The following MED13L variants were observed in gnomAD, a reference collection of about 807,000 sequenced individuals.
MED13L encodes the protein mediator complex subunit 13L.
A neutral mutation model predicts 220.9 loss-of-function variants in MED13L; 7 were observed. That is an observed-to-expected ratio of 0.03 (90% confidence interval 0.02 to 0.06). The LOEUF is 0.06. MED13L is among the 10% of genes least tolerant of loss of function. The probability of loss-of-function intolerance (pLI) is 1.00; values close to 1 mark genes in which losing one functional copy is unlikely to be tolerated. For missense variants in MED13L, 1,965 were observed against 2,760.5 expected (o/e 0.71, Z 6.46); for synonymous variants, 1,011 against 1,015.2 (o/e 1.00, Z 0.08).
At chr12:116,226,059 CTTTTTT>C (rs35656992) in intron 2 of MED13L, among the ~76,000 whole-genome samples, 3 of 137,956 alleles carry the variant, frequency 2.2e-5, no homozygotes, top group Admixed American at 1.5e-4. Context: ...TAATTTTTAT[CTTTTTT>C]TTTTTTTTTT....
chr12:116,023,392 C>T (rs1880179788), intron 4 of MED13L, among the ~76,000 whole-genome samples: 1 of 152,146 alleles, frequency 6.6e-6, no homozygotes, highest in Non-Finnish European at 1.5e-5. Flanking sequence ...AACACATCTC[C>T]ATTTCTCAAA....
chr12:116,015,295 G>A, intron 7 of MED13L, 21 bp from the exon 8 acceptor site: 1 of 1,613,330 alleles, frequency 6.2e-7, no homozygotes. Context: ...AGGCAATTTG[G>A]AATGTTAGGA....
intron 1 of MED13L, among the ~76,000 whole-genome samples, chr12:116,269,466 C>CAAAAAA (rs34100053): frequency 1.8e-3 from 122 of 69,020 alleles, no homozygotes; most frequent in Non-Finnish European, 2.2e-3. Flanking sequence ...TTAAACTATG[C>CAAAAAA]AAAAAAAAAA....
intron 2 of MED13L, among the ~76,000 whole-genome samples, chr12:116,235,247 A>C (rs1869967291): frequency 6.6e-6 from 1 of 152,162 alleles, no homozygotes; most frequent in South Asian, 2.1e-4. Context: ...GAATCTAAAA[A>C]CTTGCTCAAA....
chr12:116,098,297 G>C (rs1872780891), intron 3 of MED13L, among the ~76,000 whole-genome samples: 1 of 151,934 alleles, frequency 6.6e-6, no homozygotes, highest in Non-Finnish European at 1.5e-5. Flanking sequence ...AAAATGTGGG[G>C]GGGAAATGGG....
intron 2 of MED13L, among the ~76,000 whole-genome samples, chr12:116,237,239 A>T (rs1870165522): frequency 6.6e-6 from 1 of 152,162 alleles, no homozygotes; most frequent in South Asian, 2.1e-4. Flanking sequence ...CTCATTTAAC[A>T]GCAGCGGTTC....
At chr12:116,032,042 G>A (rs1371814421) in intron 4 of MED13L, among the ~76,000 whole-genome samples, 3 of 151,912 alleles carry the variant, frequency 2.0e-5, no homozygotes, top group Non-Finnish European at 4.4e-5. Flanking sequence ...AAAACTGTAA[G>A]GTACCCAGAA....
intron 9 of MED13L, among the ~76,000 whole-genome samples, chr12:116,012,135 A>G (rs1453781522): frequency 1.3e-5 from 2 of 152,232 alleles, no homozygotes; most frequent in Non-Finnish European, 2.9e-5. Flanking sequence ...TCTAACTGTC[A>G]AATGAGCTGG....
intron 1 of MED13L, among the ~76,000 whole-genome samples, chr12:116,274,270 T>G (rs1337346060): frequency 6.6e-6 from 1 of 152,080 alleles, no homozygotes; most frequent in Non-Finnish European, 1.5e-5. Context: ...GATTGCACAA[T>G]CAACTTTTGG....
chr12:116,098,015 C>T (rs545359618), intron 3 of MED13L, among the ~76,000 whole-genome samples: 3 of 152,124 alleles, frequency 2.0e-5, no homozygotes, highest in Admixed American at 1.3e-4. Flanking sequence ...GAAGCCGAGG[C>T]GGGCAGATCA....
chr12:116,263,880 A>G (rs1388520376), intron 1 of MED13L, among the ~76,000 whole-genome samples: 1 of 152,186 alleles, frequency 6.6e-6, no homozygotes, highest in African/African-American at 2.4e-5. Flanking sequence ...CTTGCCAATC[A>G]ATGGATTGCT....
chr12:116,246,206 C>CAA (rs77427246), intron 1 of MED13L, among the ~76,000 whole-genome samples: 37 of 100,250 alleles, frequency 3.7e-4, no homozygotes, highest in Middle Eastern at 0.011. Flanking sequence ...TTTAGACATG[C>CAA]AAAAAAAAAA....
chr12:116,142,786 T>C (rs2138055160), intron 2 of MED13L, among the ~76,000 whole-genome samples: 1 of 152,368 alleles, frequency 6.6e-6, no homozygotes, highest in East Asian at 1.9e-4. Flanking sequence ...GTGACACTTT[T>C]ACATTACACA....
At chr12:116,013,562 AT>A (rs1879546643) in intron 8 of MED13L, among the ~76,000 whole-genome samples, 1 of 152,176 alleles carries the variant, frequency 6.6e-6, no homozygotes, top group African/African-American at 2.4e-5. Context: ...AAAATCTGAA[AT>A]CCCAAACACT....
At position 116,012,840 on chromosome 12, in the gene MED13L, C is replaced by A. The variant is rs765713452; in HGVS notation, c.1237G>T (p.Asp413Tyr). 2 of 1,613,982 alleles carry A rather than the reference C, an allele frequency of 1.2e-6. No homozygotes were observed. Among genetic ancestry groups the A allele is most frequent in the East Asian group, 2.2e-5 (1 of 44,876 alleles). The change falls in exon 9 of 31, where the codon GAT (aspartate) becomes TAT (tyrosine). Residue 413 changes from aspartate (D) to tyrosine (Y), a missense_variant. Physicochemically the swap from Asp to Tyr is radical, Grantham distance 160 (BLOSUM62 -3). Transcript: ENST00000281928. ...EEPASNPATW[D>Y]FVDPTQRVSC... ...ACTCTTTGGGTTGGATCCACAAAATCCCAAGTAGCAGGATTGCTAGCAGGC... is the reference window on the plus strand; with the variant it reads ...ACTCTTTGGGTTGGATCCACAAAATACCAAGTAGCAGGATTGCTAGCAGGC...
chr12:116,037,195 A>AC (rs1170922507), intron 4 of MED13L, among the ~76,000 whole-genome samples: 1 of 152,172 alleles, frequency 6.6e-6, no homozygotes, highest in African/African-American at 2.4e-5. Flanking sequence ...ATAAACACAT[A>AC]TTGAGCATCC....
chr12:116,163,306 T>C (rs1273158083), intron 2 of MED13L, among the ~76,000 whole-genome samples: 1 of 151,742 alleles, frequency 6.6e-6, no homozygotes, highest in Non-Finnish European at 1.5e-5. Context: ...TGACATTAAA[T>C]ATATATCTTT....
At chr12:115,999,369 TGAAAGA>T (rs1460475023) in intron 14 of MED13L, among the ~76,000 whole-genome samples, 1 of 151,750 alleles carries the variant, frequency 6.6e-6, no homozygotes, top group African/African-American at 2.4e-5. Context: ...CCAGCCTCGG[TGAAAGA>T]GAAAGACTCT....
intron 14 of MED13L, among the ~76,000 whole-genome samples, chr12:115,999,022 A>G (rs917128618): frequency 2.6e-5 from 4 of 152,196 alleles, no homozygotes; most frequent in Non-Finnish European, 5.9e-5. Flanking sequence ...TACATAACCG[A>G]TACACTCTGA....
Sources: allele counts gnomAD v4.1 joint callset (sites outside exome capture counted in the v4.1 genomes callset), GRCh38; gene constraint gnomAD v4.1.1; transcripts MANE v1.5; gene names NCBI Gene and HGNC (gene_info 2026-07-23, HGNC 2026-07-21).